Variants in FAM222A observed in about 807,000 individuals in gnomAD.
The protein encoded by FAM222A is family with sequence similarity 222 member A.
FAM222A carries 7 observed loss-of-function variants against 25.8 expected under a neutral mutation model. That is an observed-to-expected ratio of 0.27 (90% confidence interval 0.15 to 0.51). FAM222A has a LOEUF of 0.51. Among genes scored for constraint, FAM222A ranks in the 20% least tolerant of loss-of-function variants. FAM222A has a pLI of 0.97. For missense variants in FAM222A, 573 were observed against 640.5 expected, an observed-to-expected ratio of 0.89 and a Z score of 1.14; for synonymous variants, 294 against 298.8, an observed-to-expected ratio of 0.98 and a Z score of 0.17.
chr12:109,742,138 G>A (rs1174699805), intron 1 of FAM222A: 3 of 152,330 alleles, frequency 2.0e-5, no homozygotes, highest in Non-Finnish European at 4.4e-5. Flanking sequence ...AGTCTCCATA[G>A]ACCATCCGAC....
chr12:109,718,252 G>A (rs375961339), intron 1 of FAM222A, among the ~76,000 whole-genome samples: 9 of 152,198 alleles, frequency 5.9e-5, no homozygotes, highest in Non-Finnish European at 8.8e-5. Flanking sequence ...GGAGAGGCCC[G>A]AACTCTACCA....
Position 109,744,183 on chromosome 12 carries a change from G to A in FAM222A, c.37G>A (p.Gly13Ser), listed in dbSNP as rs779534957. ...TCTGCAGAGGACCCAGAACGCCCCG[G>A]GCCAACACCTGGCCTGCCCGAGCAA... The part of the protein sequence containing the change: ...ACLQRTQNAP[G>S]QHLACPSKSL... Residue 13 changes from glycine to serine, a missense_variant, in exon 2 of 3, where the codon GGC becomes AGC. Physicochemically the swap from Gly to Ser is moderately conservative, Grantham distance 56. Coordinates refer to ENST00000538780, the MANE Select transcript of FAM222A (RefSeq NM_032829.3). 1 of 1,613,452 alleles carries A rather than the reference G, an allele frequency of 6.2e-7. No individual in the cohort carries two copies. Among genetic ancestry groups the A allele is most frequent in the South Asian group, 1.1e-5 (1 of 91,068 alleles).
In FAM222A at chr12:109,719,939, G is replaced by A. The variant is rs1887717938; in HGVS notation, c.-47+5042G>A. Among the ~76,000 whole-genome samples, 3 of 152,282 alleles carry A rather than the reference G, an allele frequency of 2.0e-5. No individual in the cohort carries two copies. In the South Asian group the frequency reaches 6.2e-4, roughly 32 times the overall value. On this transcript the variant is annotated intron_variant, in intron 1 of 2. Transcript: ENST00000538780. ...CTGGGCTGAAACCCGGTGAGAGAGA[G>A]CACCTGCACTCTCACTGGCTGTGTC...
At chr12:109,720,707 G>C (rs1887730994) in intron 1 of FAM222A, among the ~76,000 whole-genome samples, 1 of 152,266 alleles carries the variant, frequency 6.6e-6, no homozygotes, top group Admixed American at 6.5e-5. Flanking sequence ...AGATGCTGGG[G>C]ACATGAAGAT....
chr12:109,728,863 G>C (rs1439322686), intron 1 of FAM222A, among the ~76,000 whole-genome samples: 1 of 152,178 alleles, frequency 6.6e-6, no homozygotes, highest in African/African-American at 2.4e-5. Context: ...GACGCCCACA[G>C]AGCAGGGAGC....
chr12:109,761,561 C>G (rs910038809), intron 2 of FAM222A, among the ~76,000 whole-genome samples: 8 of 152,236 alleles, frequency 5.3e-5, no homozygotes, highest in African/African-American at 1.9e-4. Context: ...TTGGTTCTAT[C>G]TCCTTCCAGA....
chr12:109,720,406 G>A lies in FAM222A; in HGVS notation c.-47+5509G>A, dbSNP rs370679296. Among the ~76,000 whole-genome samples the A allele has an allele frequency of 7.2e-5, 11 of 152,362 alleles. 1 individual carries two copies. The highest frequency in any genetic ancestry group is 3.9e-4 in the East Asian group (2 of 5,180). On this transcript the variant is annotated intron_variant, in intron 1 of 2. Transcript: ENST00000538780. ...GCTCCAGGATTCGCTGCCAGGGCACGGGCAGCTGCCTCACAGAGTCCAGGC... is the reference window on the plus strand; with the variant it reads ...GCTCCAGGATTCGCTGCCAGGGCACAGGCAGCTGCCTCACAGAGTCCAGGC...
chr12:109,768,598 G>C lies in FAM222A; in HGVS notation c.669G>C (p.Met223Ile), dbSNP rs367798094. The C allele has an allele frequency of 1.2e-6, 2 of 1,604,382 alleles. No homozygotes were observed. Among genetic ancestry groups the C allele is most frequent in the East Asian group, 2.2e-5 (1 of 44,824 alleles). Reference sequence around the variant, plus strand: ...CCGCACCCCCTGCCTGCCAGGGCATGGCTATTCCCCATCCCAGCCCTGCCA... The same window carrying C: ...CCGCACCCCCTGCCTGCCAGGGCATCGCTATTCCCCATCCCAGCCCTGCCA... ...PGAAPPACQG[M>I]AIPHPSPAKH... Residue 223 changes from methionine to isoleucine, a missense_variant, in exon 3 of 3, where the codon ATG (methionine) becomes ATC (isoleucine). Physicochemically the swap from Met to Ile is conservative, Grantham distance 10. This residue lies in a region of FAM222A where 412 missense variants were observed against 407.0 expected (regional missense o/e 1.01). Transcript: ENST00000538780.
At chr12:109,729,537 G>A (rs1198320765) in intron 1 of FAM222A, among the ~76,000 whole-genome samples, 1 of 152,212 alleles carries the variant, frequency 6.6e-6, no homozygotes, top group Non-Finnish European at 1.5e-5. Flanking sequence ...CAGCAGCCTC[G>A]CCAAGACTTC....
chr12:109,769,426 G>C lies in FAM222A; in HGVS notation c.*138G>C. 1.8e-6 allele frequency: 2 copies of C among 1,115,690 alleles called. No individual in the cohort carries two copies. The highest frequency in any genetic ancestry group is 2.5e-6 in the Non-Finnish European group (2 of 806,590). The allele number at this position is 1,115,690 out of a possible 1,614,324, so 69.1% of individuals were successfully genotyped here. A position where few individuals can be genotyped will look rare whatever the true frequency, so the allele number is the denominator to read the frequency against. On this transcript the variant is annotated 3_prime_UTR_variant, in exon 3 of 3. Coordinates refer to ENST00000538780, the MANE Select transcript of FAM222A (RefSeq NM_032829.3). ...TGCCCACAGGGGAGCCAGGCTGGCT[G>C]CCGCCTCGCTGTGGCCGGATGGAGG... is the stretch of plus-strand genomic sequence containing the variant.
chr12:109,768,611 C>T lies in FAM222A; in HGVS notation c.682C>T (p.Pro228Ser), dbSNP rs1259949483. The change falls in exon 3 of 3, where the codon CCC becomes TCC. Residue 228 changes from proline to serine, a missense_variant. This residue lies in a region of FAM222A where 412 missense variants were observed against 407.0 expected (regional missense o/e 1.01). Coordinates refer to ENST00000538780, the MANE Select transcript of FAM222A (RefSeq NM_032829.3). ...PACQGMAIPHPSPAKHGPVPS... is the reference protein window; with the variant it reads ...PACQGMAIPHSSPAKHGPVPS... ...CTGCCAGGGCATGGCTATTCCCCAT[C>T]CCAGCCCTGCCAAGCACGGCCCAGT... The T allele has an allele frequency of 1.2e-6, 2 of 1,603,724 alleles. No homozygotes were observed. Among genetic ancestry groups the T allele is most frequent in the African/African-American group, 2.7e-5 (2 of 74,926 alleles).
chr12:109,744,293 C>T (rs544119911), intron 2 of FAM222A, 65 bp downstream of exon 2: 5 of 1,543,146 alleles, frequency 3.2e-6, no homozygotes, highest in African/African-American at 1.4e-5. Context: ...ATTCACCCCC[C>T]AGGATGTCCA....
intron 2 of FAM222A, among the ~76,000 whole-genome samples, chr12:109,746,882 C>T (rs367784900): frequency 6.6e-6 from 1 of 152,286 alleles, no homozygotes; most frequent in East Asian, 1.9e-4. Flanking sequence ...ATCTGTGTTG[C>T]AGCATGTGTA....
intron 1 of FAM222A, among the ~76,000 whole-genome samples, chr12:109,736,294 T>C (rs570249351): frequency 2.6e-5 from 4 of 152,310 alleles, no homozygotes; most frequent in South Asian, 4.1e-4. Context: ...TTTTCCTACT[T>C]ACCTGTTGAT....
At chr12:109,764,338 A>G (rs1014114213) in intron 2 of FAM222A, among the ~76,000 whole-genome samples, 6 of 152,222 alleles carry the variant, frequency 3.9e-5, no homozygotes, top group African/African-American at 9.6e-5. Flanking sequence ...GTCACCCTCA[A>G]TGAGCCCTGT....
Position 109,769,431 on chromosome 12 carries a change from C to T in FAM222A, c.*143C>T. ...ACAGGGGAGCCAGGCTGGCTGCCGC[C>T]TCGCTGTGGCCGGATGGAGGGTGGC... On this transcript the variant is annotated 3_prime_UTR_variant, in exon 3 of 3. Coordinates refer to ENST00000538780, the MANE Select transcript of FAM222A (RefSeq NM_032829.3). 9.4e-7 allele frequency: 1 copy of T among 1,063,148 alleles called. No individual in the cohort carries two copies. The highest frequency in any genetic ancestry group is 1.3e-6 in the Non-Finnish European group (1 of 759,180). 65.9% of individuals were successfully genotyped at this position (1,063,148 alleles called of 1,614,324 possible).
intron 1 of FAM222A, among the ~76,000 whole-genome samples, chr12:109,743,207 T>TGGGA (rs964693633): frequency 1.3e-5 from 2 of 152,064 alleles, no homozygotes; most frequent in African/African-American, 4.8e-5. Flanking sequence ...ACCCTCCCAT[T>TGGGA]GGGGCCTCAC....
At chr12:109,722,852 T>C (rs1887770702) in intron 1 of FAM222A, 1 of 152,186 alleles carries the variant, frequency 6.6e-6, no homozygotes, top group Non-Finnish European at 1.5e-5. Context: ...ATATAATTAG[T>C]TCACAGCAGT....
At chr12:109,766,545 G>A (rs1018836683) in intron 2 of FAM222A, among the ~76,000 whole-genome samples, 6 of 152,254 alleles carry the variant, frequency 3.9e-5, no homozygotes, top group African/African-American at 9.6e-5. Flanking sequence ...CCCATCTGCC[G>A]TGTTCACGTA....
Sources: allele counts gnomAD v4.1 joint callset (sites outside exome capture counted in the v4.1 genomes callset), GRCh38; gene constraint gnomAD v4.1.1; regional missense constraint gnomAD v4.1.1; transcripts MANE v1.5; gene names NCBI Gene and HGNC (gene_info 2026-07-23, HGNC 2026-07-21).